Variants in ZBTB11 observed in about 807,000 individuals in gnomAD.
ZBTB11 encodes the protein zinc finger and BTB domain-containing protein 11.
Under a neutral mutation model 113.1 loss-of-function variants are expected in ZBTB11, and 68 were observed. The ratio of observed to expected loss-of-function variants is 0.60; its 90% CI spans 0.49 to 0.74. The LOEUF (loss-of-function observed/expected upper bound fraction) is 0.74. Ranked by LOEUF, ZBTB11 falls within the 30% of genes least tolerant of loss-of-function variation. The pLI, the probability that ZBTB11 is intolerant of heterozygous loss-of-function variation, is 0.00. For synonymous variants in ZBTB11, 518 were observed against 452.6 expected (o/e 1.14, Z -1.83); for missense variants, 1,104 against 1,279.4 (o/e 0.86, Z 2.09).
intron 10 of ZBTB11, among the ~76,000 whole-genome samples, chr3:101,652,143 T>G (rs1360317848): frequency 6.6e-6 from 1 of 151,862 alleles, no homozygotes; most frequent in Non-Finnish European, 1.5e-5. Flanking sequence ...AAAAAAAGAA[T>G]AAACAAGATT....
At chr3:101,670,730 A>G (rs1937074129) in intron 3 of ZBTB11, 1 of 176,034 alleles carries the variant, frequency 5.7e-6, no homozygotes, top group Admixed American at 5.6e-5. Context: ...CCTGACCTTA[A>G]GCAGATCCTC....
At chr3:101,651,764 A>C in intron 10 of ZBTB11, 81 bp from the exon 11 acceptor site, 4 of 1,392,176 alleles carry the variant, frequency 2.9e-6, no homozygotes, top group Non-Finnish European at 3.8e-6. Flanking sequence ...ACTTCCTTTT[A>C]TTAAAAAGTA....
chr3:101,661,296 A>G (rs946261600), intron 5 of ZBTB11, among the ~76,000 whole-genome samples: 3 of 151,640 alleles, frequency 2.0e-5, no homozygotes, highest in African/African-American at 7.3e-5. Context: ...TGCCTGATAC[A>G]TGGCTTCATC....
At position 101,665,479 on chromosome 3, in the gene ZBTB11, C is replaced by T. The variant is rs888650554; in HGVS notation, c.1108G>A (p.Glu370Lys). The stretch of plus-strand genomic sequence containing the variant: ...CCATTCTGCTCAGCTTCTGGCAATT[C>T]TCCATTTACCAGTAGTACAATTTCA... ...DCEIVLLVNGELPEAEQNGEV... is the reference protein window; with the variant it reads ...DCEIVLLVNGKLPEAEQNGEV... Residue 370 changes from glutamate (E) to lysine (K), a missense_variant, in exon 4 of 11, where the codon GAA becomes AAA. By Grantham distance (56) the Glu-to-Lys change is moderately conservative. Coordinates refer to ENST00000312938, the MANE Select transcript of ZBTB11 (RefSeq NM_014415.4). 2 of 1,614,176 alleles carry T rather than the reference C, an allele frequency of 1.2e-6. No individual in the cohort carries two copies. The highest frequency in any genetic ancestry group is 1.7e-6 in the Non-Finnish European group (2 of 1,180,032).
At chr3:101,661,136 AG>A (rs1936879670) in intron 5 of ZBTB11, among the ~76,000 whole-genome samples, 1 of 151,956 alleles carries the variant, frequency 6.6e-6, no homozygotes, top group African/African-American at 2.4e-5. Context: ...TGGGAGGCTA[AG>A]ACAGGAGGAT....
intron 6 of ZBTB11, among the ~76,000 whole-genome samples, chr3:101,659,197 T>C (rs1277382647): frequency 6.6e-6 from 1 of 152,194 alleles, no homozygotes; most frequent in East Asian, 1.9e-4. Context: ...GCTGTGATCA[T>C]GCTACTACAT....
chr3:101,659,193 A>T (rs569081011), intron 6 of ZBTB11, among the ~76,000 whole-genome samples: 2 of 152,332 alleles, frequency 1.3e-5, no homozygotes, highest in Admixed American at 1.3e-4. Context: ...GTGAGCTGTG[A>T]TCATGCTACT....
Position 101,671,323 on chromosome 3 carries a change from T to C in ZBTB11, c.585A>G (p.Lys195=). ...GCTGTTTTAAGACAGCCTGACAATG[T>C]TTTGGAGAAGAACGTTTTACCACTC... ...TKGVVKRSSP[K]HCQAVLKQLN... Residue 195 remains lysine, a synonymous_variant, in exon 3 of 11, where the codon AAA becomes AAG. Transcript: ENST00000312938. The C allele has an allele frequency of 6.2e-7, 1 of 1,614,194 alleles. No individual in the cohort carries two copies. The highest frequency in any genetic ancestry group is 1.1e-5 in the South Asian group (1 of 91,086).
rs2108313886 is a variant in ZBTB11 at position 101,651,176 on chromosome 3, C to T, written c.3152G>A (p.Gly1051Glu). The stretch of plus-strand genomic sequence containing the variant: ...TCTTCATTAACATACTCATTCTCCT[C>T]CTGAAATATGTGCTACCTCTACTTT... Reference protein sequence around the residue: ...TVKVEVAHISGGE With the variant: ...TVKVEVAHISEGE Residue 1051 changes from glycine (G) to glutamate (E), a missense_variant, in exon 11 of 11, where the codon GGA becomes GAA. By Grantham distance (98) the Gly-to-Glu change is moderately conservative. This residue lies in a region of ZBTB11 where 90 missense variants were observed against 98.0 expected (regional missense o/e 0.92). Transcript: ENST00000312938. 6.3e-7 allele frequency: 1 copy of T among 1,583,200 alleles called. No homozygotes were observed. Among genetic ancestry groups the T allele is most frequent in the Non-Finnish European group, 8.6e-7 (1 of 1,166,102 alleles).
chr3:101,673,929 T>A (rs1467376488), intron 1 of ZBTB11, among the ~76,000 whole-genome samples: 1 of 152,136 alleles, frequency 6.6e-6, no homozygotes, highest in African/African-American at 2.4e-5. Context: ...TTCAGAAAAA[T>A]TTTAGCTATA....
In ZBTB11 at chr3:101,676,954, G is replaced by A. The variant is rs1937187367; in HGVS notation, c.-40C>T. 1 of 1,509,508 alleles carries A rather than the reference G, an allele frequency of 6.6e-7. No homozygotes were observed. 93.5% of individuals were successfully genotyped at this position (1,509,508 alleles called of 1,614,324 possible). A position where few individuals can be genotyped will look rare whatever the true frequency, so the allele number is the denominator to read the frequency against. On this transcript the variant is annotated 5_prime_UTR_variant, in exon 1 of 11. Transcript: ENST00000312938. The stretch of plus-strand genomic sequence containing the variant: ...CCCTGAGGGCGCCTGTCAGGGACAG[G>A]TGAGGAAAACGGCCCGCTACCTACG...
chr3:101,659,931 G>T lies in ZBTB11; in HGVS notation c.1898C>A (p.Thr633Lys), dbSNP rs780959031. 8 of 1,614,136 alleles carry T rather than the reference G, an allele frequency of 5.0e-6. No homozygotes were observed. The highest frequency in any genetic ancestry group is 6.8e-6 in the Non-Finnish European group (8 of 1,180,026). Residue 633 changes from threonine to lysine, a missense_variant, in exon 6 of 11, where the codon ACG becomes AAG. Physicochemically the swap from Thr to Lys is moderately conservative, Grantham distance 78. Coordinates refer to ENST00000312938, the MANE Select transcript of ZBTB11 (RefSeq NM_014415.4). ...DAPSSSSSNSTSNEASGTSSE... is the reference protein window; with the variant it reads ...DAPSSSSSNSKSNEASGTSSE... ...TGATGTTCCCGATGCTTCATTAGACGTGGAATTGGACGAGGATGAAGAGGG... is the reference window on the plus strand; with the variant it reads ...TGATGTTCCCGATGCTTCATTAGACTTGGAATTGGACGAGGATGAAGAGGG...
At position 101,665,059 on chromosome 3, in the gene ZBTB11, GT is replaced by G. The variant is rs778487877; in HGVS notation, c.1527del (p.Gln509HisfsTer38). 6.2e-7 allele frequency: 1 copy of G among 1,613,990 alleles called. No homozygotes were observed. Among genetic ancestry groups the G allele is most frequent in the Non-Finnish European group, 8.5e-7 (1 of 1,180,000 alleles). ...DDDTYRSRLRQRSVNEGAYIR... is the reference protein window; with the variant it reads ...DDDTYRSRLRXRSVNEGAYIR... ...ATATATGCCCCTTCATTAACAGAAC[GT>G]TGTCGAAGCCTGCTTCTATAAGTAT... On this transcript the variant is annotated frameshift_variant, in exon 4 of 11. Transcript: ENST00000312938. LOFTEE classifies it high-confidence loss of function.
intron 3 of ZBTB11, among the ~76,000 whole-genome samples, chr3:101,667,684 G>A (rs1430682134): frequency 4.0e-5 from 6 of 151,876 alleles, no homozygotes; most frequent in East Asian, 1.9e-4. Context: ...TGTTTGAGAC[G>A]GAGTTTCGCT....
Position 101,676,792 on chromosome 3 carries a change from C to T in ZBTB11, c.123G>A (p.Val41=). 1 of 1,611,988 alleles carries T rather than the reference C, an allele frequency of 6.2e-7. No homozygotes were observed. ...RKIRKAAACY[V]VRGGTLYYQR... is the part of the protein sequence containing the mutation. ...GGTAATACAGAGTCCCGCCGCGCAC[C>T]ACGTAGCAGGCGGCAGCTTTTCGGA... Residue 41 remains valine, a synonymous_variant, in exon 1 of 11, where the codon GTG becomes GTA. Coordinates refer to ENST00000312938, the MANE Select transcript of ZBTB11 (RefSeq NM_014415.4).
At chr3:101,660,313 G>A (rs976872460) in intron 5 of ZBTB11, among the ~76,000 whole-genome samples, 3 of 152,170 alleles carry the variant, frequency 2.0e-5, no homozygotes, top group Non-Finnish European at 4.4e-5. Flanking sequence ...TCATTAGTAT[G>A]AGTACTAACA....
chr3:101,666,406 A>C (rs1325710025), intron 3 of ZBTB11, among the ~76,000 whole-genome samples: 1 of 152,250 alleles, frequency 6.6e-6, no homozygotes, highest in African/African-American at 2.4e-5. Flanking sequence ...AAGCAGATAT[A>C]CACCAATGGA....
chr3:101,654,755 T>G lies in ZBTB11; in HGVS notation c.2258A>C (p.His753Pro), dbSNP rs1936766416. 1 of 1,614,224 alleles carries G rather than the reference T, an allele frequency of 6.2e-7. No individual in the cohort carries two copies. The highest frequency in any genetic ancestry group is 8.5e-7 in the Non-Finnish European group (1 of 1,180,040). ...AGGCTTTGGTTGGTGTTTCTTGAAG[T>G]GCTTGCTGAGTCCAGAGCCCCTATG... is the stretch of plus-strand genomic sequence containing the variant. ...SFHRGSGLSK[H>P]FKKHQPKPEV... is the part of the protein sequence containing the mutation. The change falls in exon 8 of 11, where the codon CAC becomes CCC. Residue 753 changes from histidine (H) to proline (P), a missense_variant. By Grantham distance (77) the His-to-Pro change is moderately conservative. Transcript: ENST00000312938.
At position 101,666,609 on chromosome 3, in the gene ZBTB11, T is replaced by C. The variant is rs1937000523; in HGVS notation, c.779-801A>G. 2.0e-5 allele frequency among the ~76,000 whole-genome samples: 3 copies of C among 152,190 alleles called. 1 individual carries two copies. In the South Asian group the frequency reaches 6.2e-4, roughly 32 times the overall value. The stretch of plus-strand genomic sequence containing the variant: ...CTCAGTGATTCACTTTCAAAAGCCA[T>C]TGTTAATTCTTAATATTCACATGAA... On this transcript the variant is annotated intron_variant, in intron 3 of 10. Transcript: ENST00000312938.
Sources: gnomAD v4.1 joint callset for allele counts (sites outside exome capture counted in the v4.1 genomes callset) on GRCh38, gnomAD v4.1.1 for gene constraint, gnomAD v4.1.1 regional missense constraint, MANE v1.5 for transcripts, NCBI Gene and HGNC (gene_info 2026-07-23, HGNC 2026-07-21) for gene names.